The following FAM20C variants were observed in gnomAD, a reference collection of about 807,000 sequenced individuals.
FAM20C encodes the protein FAM20C golgi associated secretory pathway kinase.
A neutral mutation model predicts 51.5 loss-of-function variants in FAM20C; 40 were observed. The observed-to-expected ratio is 0.78, with a 90% CI of 0.60 to 1.01. FAM20C has a LOEUF of 1.01. FAM20C is among the 50% of genes least tolerant of loss of function. The pLI is 0.00. For synonymous variants in FAM20C, 406 were observed against 380.6 expected (o/e 1.07, Z -0.78); for missense variants, 861 against 844.7 (o/e 1.02, Z -0.24).
At chr7:193,896 C>A in intron 1 of FAM20C, 92 bp downstream of exon 1, 2 of 1,432,878 alleles carry the variant, frequency 1.4e-6, no homozygotes, top group Non-Finnish European at 1.8e-6. Flanking sequence ...GGGCCGCCCC[C>A]CATGGAAGAG....
chr7:231,425 G>C (rs1787673869), intron 3 of FAM20C, among the ~76,000 whole-genome samples: 1 of 151,924 alleles, frequency 6.6e-6, no homozygotes. Flanking sequence ...GTGGGAGGAG[G>C]GTCCTGGCGT....
intron 2 of FAM20C, 147 bp from the exon 3 acceptor site, chr7:208,751 T>G: frequency 1.4e-6 from 1 of 707,648 alleles, no homozygotes; most frequent in South Asian, 1.9e-5. Flanking sequence ...AGAGCTTCAC[T>G]GCAGAAAACT....
At chr7:202,747 C>G (rs1453389655) in intron 2 of FAM20C, among the ~76,000 whole-genome samples, 26 of 119,602 alleles carry the variant, frequency 2.2e-4, no homozygotes, top group Middle Eastern at 7.5e-3. Context: ...ATGGGGGGGC[C>G]CTATGGATAT....
chr7:249,763 C>T (rs960937903), intron 5 of FAM20C, among the ~76,000 whole-genome samples: 2 of 152,166 alleles, frequency 1.3e-5, no homozygotes, highest in African/African-American at 4.8e-5. Flanking sequence ...AGAAAAGAAA[C>T]TGGCATTTGT....
At position 244,780 on chromosome 7, in the gene FAM20C, C is replaced by G. The variant is rs573813058; in HGVS notation, c.864-1635C>G. ...ATCCTCATCTGGCCTTGCGCCTACC[C>G]AGGGCCCTGTCAAGGCGAATATTAT... On this transcript the variant is annotated intron_variant, in intron 3 of 9. Transcript: ENST00000313766. Among the ~76,000 whole-genome samples, 14 of 152,362 alleles carry G rather than the reference C, an allele frequency of 9.2e-5. No homozygotes were observed. In the East Asian group the frequency reaches 2.7e-3, roughly 29 times the overall value.
intron 2 of FAM20C, among the ~76,000 whole-genome samples, chr7:198,991 A>C (rs1786011057): frequency 6.6e-6 from 1 of 152,218 alleles, no homozygotes; most frequent in Admixed American, 6.5e-5. Context: ...CTGAGGAAGC[A>C]GGGGACCCTC....
chr7:223,996 G>A (rs575733259), intron 3 of FAM20C, among the ~76,000 whole-genome samples: 1 of 152,096 alleles, frequency 6.6e-6, no homozygotes, highest in Admixed American at 6.5e-5. Context: ...CCGGGCTCCC[G>A]GCCCGCCAGC....
chr7:234,209 G>C (rs1787782943), intron 3 of FAM20C, among the ~76,000 whole-genome samples: 1 of 152,260 alleles, frequency 6.6e-6, no homozygotes, highest in Non-Finnish European at 1.5e-5. Flanking sequence ...ATTTCACCCG[G>C]TTCTGCCGAG....
intron 3 of FAM20C, among the ~76,000 whole-genome samples, chr7:245,518 C>G (rs1333153716): frequency 6.6e-6 from 1 of 152,210 alleles, no homozygotes; most frequent in African/African-American, 2.4e-5. Flanking sequence ...GGGACAGGCT[C>G]TCCCTCCAGT....
intron 2 of FAM20C, among the ~76,000 whole-genome samples, chr7:205,797 G>A (rs1392854975): frequency 6.6e-6 from 1 of 151,992 alleles, no homozygotes; most frequent in African/African-American, 2.4e-5. Context: ...CTTCCTGGAG[G>A]ATTCAGTGTC....
chr7:199,420 C>G (rs115236224), intron 2 of FAM20C, among the ~76,000 whole-genome samples: 121 of 152,382 alleles, frequency 7.9e-4, no homozygotes, highest in African/African-American at 2.6e-3. Context: ...GGGCAGGAGG[C>G]TTGTCCGAGA....
intron 2 of FAM20C, among the ~76,000 whole-genome samples, chr7:201,085 G>A (rs1786107562): frequency 6.6e-6 from 1 of 152,220 alleles, no homozygotes; most frequent in Non-Finnish European, 1.5e-5. Flanking sequence ...GGTGACCTGA[G>A]CTCTCCCGGT....
chr7:219,031 A>G (rs67904661), intron 3 of FAM20C, among the ~76,000 whole-genome samples: 49,248 of 152,052 alleles, frequency 0.32, 8,135 homozygotes, highest in East Asian at 0.51. Flanking sequence ...CAGACAGGAC[A>G]TAAAGTGAGG....
chr7:214,537 ACGGTG>A (rs955549502), intron 3 of FAM20C, among the ~76,000 whole-genome samples: 3 of 152,206 alleles, frequency 2.0e-5, no homozygotes, highest in African/African-American at 7.2e-5. Flanking sequence ...GGTCAGCGGA[ACGGTG>A]CGGCTTTAGG....
At chr7:243,870 A>G (rs1445799278) in intron 3 of FAM20C, among the ~76,000 whole-genome samples, 1 of 151,688 alleles carries the variant, frequency 6.6e-6, no homozygotes, top group Admixed American at 6.6e-5. Context: ...AGGGGCCTAC[A>G]GTGAATTCTG....
chr7:204,609 C>T (rs28721886), intron 2 of FAM20C, among the ~76,000 whole-genome samples: 20,467 of 152,246 alleles, frequency 0.13, 1,675 homozygotes, highest in East Asian at 0.26. Flanking sequence ...GGAGAGCCCC[C>T]ACACTGCGGC....
Position 193,396 on chromosome 7 carries a change from G to C in FAM20C, c.197G>C (p.Arg66Pro). 7.2e-7 allele frequency: 1 copy of C among 1,392,652 alleles called. No homozygotes were observed. The highest frequency in any genetic ancestry group is 9.4e-7 in the Non-Finnish European group (1 of 1,061,196). The allele number at this position is 1,392,652 out of a possible 1,614,324, so 86.3% of individuals were successfully genotyped here. ...AAPGWAQVRG[R>P]PGEPPAASSA... is the part of the protein sequence containing the mutation. The stretch of plus-strand genomic sequence containing the variant: ...CCCGGCTGGGCCCAGGTTCGGGGCC[G>C]CCCCGGGGAGCCCCCGGCCGCCTCC... Residue 66 changes from arginine to proline, a missense_variant, in exon 1 of 10, where the codon CGC (arginine) becomes CCC (proline). Physicochemically the swap from Arg to Pro is moderately radical, Grantham distance 103. Around this residue, in one of 3 missense-constraint regions of FAM20C, gnomAD observed 561 missense variants for 499.8 expected, o/e 1.12. Coordinates refer to ENST00000313766, the MANE Select transcript of FAM20C (RefSeq NM_020223.4).
chr7:216,658 TGTGTGAGAGACA>T (rs1786986922), intron 3 of FAM20C, among the ~76,000 whole-genome samples: 1 of 136,912 alleles, frequency 7.3e-6, no homozygotes, highest in Non-Finnish European at 1.6e-5. Flanking sequence ...TGTGAGTGTG[TGTGTGAGAGACA>T]GAGTGTGTGT....
intron 1 of FAM20C, 50 bp from the exon 2 acceptor site, chr7:195,504 C>G (rs2115039638): frequency 7.1e-7 from 1 of 1,403,276 alleles, no homozygotes; most frequent in Admixed American, 2.5e-5. Context: ...TCATCCGACT[C>G]ACGGGCCTGT....
Sources: gnomAD v4.1 joint callset for allele counts (sites outside exome capture counted in the v4.1 genomes callset) on GRCh38, gnomAD v4.1.1 for gene constraint, gnomAD v4.1.1 regional missense constraint, MANE v1.5 for transcripts, NCBI Gene and HGNC (gene_info 2026-07-23, HGNC 2026-07-21) for gene names.